Variants in SUSD4 observed in about 807,000 individuals in gnomAD.
SUSD4 encodes sushi domain containing 4.
Under a neutral mutation model 50.5 loss-of-function variants are expected in SUSD4, and 41 were observed. The observed-to-expected ratio is 0.81, with a 90% CI of 0.63 to 1.05. The LOEUF is 1.05. Among genes scored for constraint, SUSD4 ranks in the 50% least tolerant of loss-of-function variants. The pLI, the probability that SUSD4 is intolerant of heterozygous loss-of-function variation, is 0.00. For synonymous variants in SUSD4, 257 were observed against 257.3 expected (o/e 1.00, Z 0.01); for missense variants, 580 against 634.7 (o/e 0.91, Z 0.93).
At chr1:223,262,151 C>T (rs1405183198) in intron 5 of SUSD4, among the ~76,000 whole-genome samples, 1 of 152,128 alleles carries the variant, frequency 6.6e-6, no homozygotes, top group Non-Finnish European at 1.5e-5. Flanking sequence ...CGACAGGTAC[C>T]CTGAGTGTGA....
chr1:223,248,867 C>T (rs1661113924), intron 5 of SUSD4, among the ~76,000 whole-genome samples: 1 of 152,098 alleles, frequency 6.6e-6, no homozygotes, highest in Non-Finnish European at 1.5e-5. Flanking sequence ...AAAATGGCTT[C>T]ACATAAGAAA....
chr1:223,309,273 T>A (rs1264963154), intron 2 of SUSD4, among the ~76,000 whole-genome samples: 1 of 152,220 alleles, frequency 6.6e-6, no homozygotes, highest in Admixed American at 6.5e-5. Context: ...TACACATGGA[T>A]CAGCCTCATC....
At chr1:223,304,612 A>G (rs1157657461) in intron 2 of SUSD4, among the ~76,000 whole-genome samples, 1 of 151,482 alleles carries the variant, frequency 6.6e-6, no homozygotes, top group Non-Finnish European at 1.5e-5. Flanking sequence ...TTTGAAAAAC[A>G]CTACTTTCAA....
At chr1:223,318,661 G>C (rs1298913259) in intron 2 of SUSD4, among the ~76,000 whole-genome samples, 15 of 150,122 alleles carry the variant, frequency 1.0e-4, no homozygotes, top group Non-Finnish European at 2.2e-4. Context: ...GTCTTCTTTT[G>C]AGAAGTGTCT....
chr1:223,331,206 G>T (rs2103271188), intron 2 of SUSD4, among the ~76,000 whole-genome samples: 1 of 152,252 alleles, frequency 6.6e-6, no homozygotes, highest in South Asian at 2.1e-4. Context: ...TAACTGCTCA[G>T]GATGGTGATG....
chr1:223,359,201 T>C, intron 2 of SUSD4: 1 of 463,010 alleles, frequency 2.2e-6, no homozygotes, highest in South Asian at 1.6e-5. Context: ...GGTTCCCCAC[T>C]GCCTGCTGTG....
At position 223,332,096 on chromosome 1, in the gene SUSD4, C is replaced by T. The variant is rs1572078426; in HGVS notation, c.148+31182G>A. Among the ~76,000 whole-genome samples, 1 of 152,180 alleles carries T rather than the reference C, an allele frequency of 6.6e-6. No homozygotes were observed. Among genetic ancestry groups the T allele is most frequent in the African/African-American group, 2.4e-5 (1 of 41,438 alleles). On this transcript the variant is annotated intron_variant, in intron 2 of 8. Coordinates refer to ENST00000366878, the MANE Select transcript of SUSD4 (RefSeq NM_017982.4). The surrounding 1 kb of genome is among the most constrained non-coding windows in gnomAD (Gnocchi z 4.0). Reference sequence around the variant, plus strand: ...GCACAGTGTGAGCCTGGTTACAAAGCCCCCTATTCTCCAGTTGCTGATTTC... The same window carrying T: ...GCACAGTGTGAGCCTGGTTACAAAGTCCCCTATTCTCCAGTTGCTGATTTC...
In SUSD4 at chr1:223,257,324, C is replaced by T. The variant is rs191283809; in HGVS notation, c.724+7306G>A. Among the ~76,000 whole-genome samples the T allele has an allele frequency of 2.8e-3, 421 of 152,068 alleles. 3 individuals are homozygous for T. The highest frequency in any genetic ancestry group is 0.014 in the Middle Eastern group (4 of 294). On this transcript the variant is annotated intron_variant, in intron 5 of 8. Coordinates refer to ENST00000366878, the MANE Select transcript of SUSD4 (RefSeq NM_017982.4). Reference sequence around the variant, plus strand: ...TTTGAGACCAGCCTGGGCAAAACAACGAGACCAAGTCTCTACAAAAACATT... The same window carrying T: ...TTTGAGACCAGCCTGGGCAAAACAATGAGACCAAGTCTCTACAAAAACATT...
chr1:223,260,321 C>T (rs532620288), intron 5 of SUSD4, among the ~76,000 whole-genome samples: 16 of 152,324 alleles, frequency 1.1e-4, no homozygotes, highest in African/African-American at 3.8e-4. Context: ...GTTGCTCTGG[C>T]CTAGCAGGTG....
intron 3 of SUSD4, among the ~76,000 whole-genome samples, chr1:223,290,406 T>C (rs1571986381): frequency 6.6e-6 from 1 of 152,196 alleles, no homozygotes; most frequent in Non-Finnish European, 1.5e-5. Flanking sequence ...ACAATCTCTT[T>C]ATACAGATCT....
chr1:223,319,471 C>A (rs928835597), intron 2 of SUSD4, among the ~76,000 whole-genome samples: 3 of 152,148 alleles, frequency 2.0e-5, no homozygotes, highest in Non-Finnish European at 4.4e-5. Context: ...AATGCTTGCC[C>A]TTCTTAATAC....
chr1:223,296,487 A>G (rs1176816673), intron 2 of SUSD4, among the ~76,000 whole-genome samples: 2 of 152,194 alleles, frequency 1.3e-5, no homozygotes, highest in Non-Finnish European at 2.9e-5. Flanking sequence ...GAAGTTCTGC[A>G]TGGCCTGTGC....
Position 223,229,058 on chromosome 1 carries a change from G to A in SUSD4, c.916+139C>T, listed in dbSNP as rs900520000. On this transcript the variant is annotated intron_variant, in intron 6 of 8. Transcript: ENST00000366878. This position sits in a 1 kb window ranked among gnomAD's most constrained non-coding sequence, Gnocchi z 4.7. ...AGCCCAACAGCAGCCCCATCGACCC[G>A]CAATGATATGTTTCGATATCCTGTT... 9 of 876,730 alleles carry A rather than the reference G, an allele frequency of 1.0e-5. No individual in the cohort carries two copies. The highest frequency in any genetic ancestry group is 5.0e-5 in the African/African-American group (3 of 60,030). 54.3% of individuals were successfully genotyped at this position (876,730 alleles called of 1,614,324 possible).
chr1:223,260,998 C>G (rs1381388874), intron 5 of SUSD4, among the ~76,000 whole-genome samples: 1 of 152,184 alleles, frequency 6.6e-6, no homozygotes, highest in Admixed American at 6.5e-5. Flanking sequence ...AGACCATGCG[C>G]CAAGAGTTGA....
intron 7 of SUSD4, among the ~76,000 whole-genome samples, chr1:223,224,862 C>CTTCTTTTTTTTTTTTT (rs1239409764): frequency 2.0e-4 from 12 of 59,290 alleles, no homozygotes; most frequent in African/African-American, 7.9e-4. Flanking sequence ...TGGTTTCTTC[C>CTTCTTTTTTTTTTTTT]TTTTTTTTTT....
chr1:223,297,944 G>A (rs1347432157), intron 2 of SUSD4, among the ~76,000 whole-genome samples: 1 of 151,890 alleles, frequency 6.6e-6, no homozygotes, highest in Non-Finnish European at 1.5e-5. Context: ...GTGGATAGAT[G>A]GGTAAATGGA....
intron 3 of SUSD4, among the ~76,000 whole-genome samples, chr1:223,276,198 A>C (rs1162004028): frequency 1.3e-5 from 2 of 152,272 alleles, no homozygotes; most frequent in African/African-American, 2.4e-5. Context: ...AAATCCCCCC[A>C]AGTCAGTTTG....
intron 2 of SUSD4, among the ~76,000 whole-genome samples, chr1:223,340,060 T>G (rs1406653071): frequency 6.6e-6 from 1 of 152,226 alleles, no homozygotes; most frequent in East Asian, 1.9e-4. Context: ...AATCAAGCCC[T>G]GGAAGCAGCT....
intron 3 of SUSD4, among the ~76,000 whole-genome samples, chr1:223,270,462 A>G (rs563248551): frequency 1.3e-5 from 2 of 152,346 alleles, no homozygotes; most frequent in South Asian, 2.1e-4. Flanking sequence ...GACACCTGTC[A>G]TCAGGTCTTC....
Sources: gnomAD v4.1 joint callset for allele counts (sites outside exome capture counted in the v4.1 genomes callset) on GRCh38, gnomAD v4.1.1 for gene constraint, Gnocchi (gnomAD v3.1) non-coding constraint, MANE v1.5 for transcripts, NCBI Gene and HGNC (gene_info 2026-07-23, HGNC 2026-07-21) for gene names.